Variants in RSPO2 observed in about 807,000 individuals in gnomAD.
The protein encoded by RSPO2 is R-spondin-2.
Under a neutral mutation model 30.9 loss-of-function variants are expected in RSPO2, and 14 were observed. The observed-to-expected ratio is 0.45, with a 90% CI of 0.30 to 0.71. The LOEUF is 0.71. Ranked by LOEUF, RSPO2 falls within the 30% of genes least tolerant of loss-of-function variation. The probability of loss-of-function intolerance (pLI) is 0.08; values close to 1 mark genes in which losing one functional copy is unlikely to be tolerated. For synonymous variants in RSPO2, 107 were observed against 96.4 expected (o/e 1.11, Z -0.64); for missense variants, 264 against 301.9 (o/e 0.87, Z 0.93).
chr8:107,905,145 A>G (rs1811597549), intron 5 of RSPO2, among the ~76,000 whole-genome samples: 1 of 152,054 alleles, frequency 6.6e-6, no homozygotes, highest in Non-Finnish European at 1.5e-5. Flanking sequence ...TAAACTCTCA[A>G]AGTCAAAGGT....
chr8:107,917,310 C>T (rs1448920603), intron 5 of RSPO2, among the ~76,000 whole-genome samples: 1 of 152,032 alleles, frequency 6.6e-6, no homozygotes, highest in Non-Finnish European at 1.5e-5. Flanking sequence ...CATGGTGAAA[C>T]CCCATCTCTA....
chr8:108,016,036 A>T (rs1295219647), intron 2 of RSPO2, among the ~76,000 whole-genome samples: 1 of 152,172 alleles, frequency 6.6e-6, no homozygotes. Flanking sequence ...ATGGGGAGGA[A>T]ATTAGGAGTC....
intron 3 of RSPO2, chr8:107,982,985 G>A (rs909416868): frequency 3.1e-5 from 17 of 556,358 alleles, no homozygotes; most frequent in Middle Eastern, 4.7e-4. Flanking sequence ...CTCCCTCAGC[G>A]CCTACGACTG....
intron 2 of RSPO2, among the ~76,000 whole-genome samples, chr8:108,062,698 C>A (rs1812511284): frequency 6.6e-6 from 1 of 151,740 alleles, no homozygotes; most frequent in African/African-American, 2.4e-5. Context: ...CCAGAATCAT[C>A]CTGATATCAA....
chr8:107,907,437 T>A (rs957898583), intron 5 of RSPO2, among the ~76,000 whole-genome samples: 8 of 152,038 alleles, frequency 5.3e-5, no homozygotes, highest in African/African-American at 1.9e-4. Flanking sequence ...GCAATAAACA[T>A]TAAAGTGTTG....
At chr8:107,950,356 C>G (rs976621910) in intron 5 of RSPO2, among the ~76,000 whole-genome samples, 3 of 152,170 alleles carry the variant, frequency 2.0e-5, no homozygotes, top group African/African-American at 7.2e-5. Context: ...TGCCTGGTAG[C>G]AAACCTAAAG....
intron 3 of RSPO2, among the ~76,000 whole-genome samples, chr8:107,972,092 G>T: frequency 6.6e-6 from 1 of 152,022 alleles, no homozygotes; most frequent in Non-Finnish European, 1.5e-5. Context: ...GATGATAGAT[G>T]TATCTGCTGA....
intron 3 of RSPO2, among the ~76,000 whole-genome samples, chr8:107,973,341 AACGGTT>A (rs1814073237): frequency 6.6e-6 from 1 of 152,110 alleles, no homozygotes; most frequent in Non-Finnish European, 1.5e-5. Context: ...ATAACTGCAT[AACGGTT>A]TTGTCAGTTT....
At chr8:107,976,717 G>A (rs983556463) in intron 3 of RSPO2, among the ~76,000 whole-genome samples, 1 of 152,198 alleles carries the variant, frequency 6.6e-6, no homozygotes, top group Non-Finnish European at 1.5e-5. Flanking sequence ...CTGGAAGCCA[G>A]TTGTGGACTG....
chr8:107,911,645 T>G (rs1470645486), intron 5 of RSPO2, among the ~76,000 whole-genome samples: 1 of 152,222 alleles, frequency 6.6e-6, no homozygotes, highest in Admixed American at 6.5e-5. Context: ...ACTTGTATTA[T>G]TTCTAATCCT....
chr8:108,040,824 A>G (rs1316935253), intron 2 of RSPO2, among the ~76,000 whole-genome samples: 5 of 152,288 alleles, frequency 3.3e-5, no homozygotes, highest in Admixed American at 6.5e-5. Flanking sequence ...CTCATGAACC[A>G]AAACATAGCA....
chr8:107,922,576 T>C (rs547100208), intron 5 of RSPO2, among the ~76,000 whole-genome samples: 4 of 152,186 alleles, frequency 2.6e-5, no homozygotes, highest in African/African-American at 7.2e-5. Context: ...ACATTTTTCA[T>C]AGAACTAGAA....
At position 108,067,224 on chromosome 8, in the gene RSPO2, A is replaced by T. The variant is rs191263451; in HGVS notation, c.94+15321T>A. Among the ~76,000 whole-genome samples, 43 of 152,338 alleles carry T rather than the reference A, an allele frequency of 2.8e-4. 1 individual carries two copies. The highest frequency in any genetic ancestry group is 4.1e-4 in the South Asian group (2 of 4,824). ...ATGAGTGGGTGTTATTTCAATGCTG[A>T]TTCAAGCATAGCCACTGTATAAAGA... On this transcript the variant is annotated intron_variant, in intron 2 of 5. Coordinates refer to ENST00000276659, the MANE Select transcript of RSPO2 (RefSeq NM_178565.5).
chr8:107,965,729 T>C (rs571374745), intron 3 of RSPO2, among the ~76,000 whole-genome samples: 1 of 152,220 alleles, frequency 6.6e-6, no homozygotes, highest in African/African-American at 2.4e-5. Flanking sequence ...TAAATGAACA[T>C]GAATGCCATT....
At chr8:107,973,124 G>C (rs911922026) in intron 3 of RSPO2, among the ~76,000 whole-genome samples, 2 of 152,040 alleles carry the variant, frequency 1.3e-5, no homozygotes, top group African/African-American at 4.8e-5. Context: ...CAAAAAATTA[G>C]CTGGGCATGG....
intron 5 of RSPO2, among the ~76,000 whole-genome samples, chr8:107,933,949 G>A (rs1812634408): frequency 6.6e-6 from 1 of 152,024 alleles, no homozygotes. Context: ...AACCTGTTAA[G>A]GAATGCATGT....
chr8:107,906,295 T>C (rs952733805), intron 5 of RSPO2, among the ~76,000 whole-genome samples: 7 of 151,846 alleles, frequency 4.6e-5, no homozygotes, highest in Non-Finnish European at 1.0e-4. Context: ...ACCTCTTCTT[T>C]TTGTGATTAC....
At chr8:107,958,028 G>C in intron 5 of RSPO2, 52 bp downstream of exon 5, 2 of 1,193,164 alleles carry the variant, frequency 1.7e-6, no homozygotes, top group Non-Finnish European at 2.3e-6. Context: ...GTTAGGAAGC[G>C]GGAGAATTCA....
chr8:108,078,321 A>G (rs1044101104), intron 2 of RSPO2, among the ~76,000 whole-genome samples: 1 of 152,214 alleles, frequency 6.6e-6, no homozygotes, highest in African/African-American at 2.4e-5. Context: ...AAAGCAGCCA[A>G]TCAAAAAAGA....
Sources: gnomAD v4.1 joint callset for allele counts (sites outside exome capture counted in the v4.1 genomes callset) on GRCh38, gnomAD v4.1.1 for gene constraint, MANE v1.5 for transcripts, NCBI Gene and HGNC (gene_info 2026-07-23, HGNC 2026-07-21) for gene names.